CEP76: variants seen among roughly 807,000 people sequenced by gnomAD.
CEP76 encodes the protein centrosomal protein 76, also known as centrosomal protein of 76 kDa.
A neutral mutation model predicts 83.3 loss-of-function variants in CEP76; 55 were observed. The observed-to-expected ratio is 0.66, with a 90% CI of 0.53 to 0.83. The LOEUF is 0.83. Among genes scored for constraint, CEP76 ranks in the 40% least tolerant of loss-of-function variants. The pLI is 0.00. For synonymous variants in CEP76, 270 were observed against 274.5 expected, an observed-to-expected ratio of 0.98 and a Z score of 0.16; for missense variants, 694 against 799.5, an observed-to-expected ratio of 0.87 and a Z score of 1.59.
intron 6 of CEP76, 30 bp from the exon 7 acceptor site, chr18:12,691,517 T>C (rs1191366727): frequency 3.3e-6 from 5 of 1,533,756 alleles, no homozygotes; most frequent in Non-Finnish European, 4.4e-6. Context: ...TTTTTCAATT[T>C]CTATTCATTA....
chr18:12,692,712 C>T (rs1247665590), intron 6 of CEP76, among the ~76,000 whole-genome samples: 1 of 152,192 alleles, frequency 6.6e-6, no homozygotes, highest in Non-Finnish European at 1.5e-5. Flanking sequence ...ATCTAAACTC[C>T]TTGAGAGCAA....
intron 9 of CEP76, chr18:12,679,200 G>C (rs2145007490): frequency 6.6e-6 from 1 of 152,292 alleles, no homozygotes; most frequent in Non-Finnish European, 1.5e-5. Context: ...AAGAAGCTAA[G>C]GAAAGAGAAT....
At position 12,691,409 on chromosome 18, in the gene CEP76, A is replaced by G. The variant is rs2039758353; in HGVS notation, c.883T>C (p.Leu295=). 1.2e-6 allele frequency: 2 copies of G among 1,608,726 alleles called. No individual in the cohort carries two copies. Among genetic ancestry groups the G allele is most frequent in the South Asian group, 2.2e-5 (2 of 89,894 alleles). ...VYAKQWWREY[L]QIRPSHNSRL... is the part of the protein sequence containing the mutation. ...GAGTTGTGTGAGGGTCGAATTTGCA[A>G]ATATTCTCTCCACCACTGCTTAGCA... Residue 295 remains leucine (L), a synonymous_variant, in exon 7 of 12, where the codon TTG becomes CTG. Coordinates refer to ENST00000262127, the MANE Select transcript of CEP76 (RefSeq NM_024899.4).
chr18:12,671,408 C>T (rs1568006912), downstream of CEP76, among the ~76,000 whole-genome samples: 1 of 151,878 alleles, frequency 6.6e-6, no homozygotes. Flanking sequence ...AAATTAAGAA[C>T]TACACATATC....
chr18:12,702,643 G>T lies in CEP76; in HGVS notation c.-95C>A. The T allele has an allele frequency of 7.3e-7, 1 of 1,378,964 alleles. No homozygotes were observed. The highest frequency in any genetic ancestry group is 9.8e-7 in the Non-Finnish European group (1 of 1,024,924). 85.4% of individuals were successfully genotyped at this position (1,378,964 alleles called of 1,614,324 possible). A position where few individuals can be genotyped will look rare whatever the true frequency, so the allele number is the denominator to read the frequency against. On this transcript the variant is annotated 5_prime_UTR_variant, in exon 1 of 12. Transcript: ENST00000262127. ...CCAGGGAGCGTTAGGAGCGACTGGA[G>T]CACAAAGCGCCGCAGCCGTTCGCCT...
downstream of CEP76, among the ~76,000 whole-genome samples, chr18:12,672,118 C>CT (rs371021479): frequency 0.26 from 36,444 of 140,926 alleles, 4,898 homozygotes; most frequent in Non-Finnish European, 0.33. Context: ...ATGCCTGGCC[C>CT]TTTTTTTTTT....
intron 7 of CEP76, among the ~76,000 whole-genome samples, chr18:12,688,680 T>A (rs375625924): frequency 2.9e-4 from 44 of 152,358 alleles, no homozygotes; most frequent in African/African-American, 1.0e-3. Flanking sequence ...AGAAAATCAC[T>A]AACCATTATG....
chr18:12,695,254 C>G lies in CEP76; in HGVS notation c.804G>C (p.Gln268His). The G allele has an allele frequency of 7.2e-7, 1 of 1,394,366 alleles. No individual in the cohort carries two copies. The highest frequency in any genetic ancestry group is 1.0e-6 in the Non-Finnish European group (1 of 996,952). The allele number at this position is 1,394,366 out of a possible 1,614,324, so 86.4% of individuals were successfully genotyped here. ...QTLSQEVVNT[Q>H]LALERQKTAE... The stretch of plus-strand genomic sequence containing the variant: ...AAAAGAGAAACTCATAAGTATTTAC[C>G]TGTGTGTTCACTACTTCTTGAGATA... Residue 268 changes from glutamine (Q) to histidine (H), a missense_variant and splice_region_variant, in exon 6 of 12, where the codon CAG becomes CAC. By Grantham distance (24) the Gln-to-His change is conservative. Transcript: ENST00000262127.
intron 7 of CEP76, chr18:12,686,776 G>C: frequency 5.4e-6 from 1 of 184,402 alleles, no homozygotes; most frequent in Non-Finnish European, 1.1e-5. Flanking sequence ...GGAGGGAGAG[G>C]TGCTCTAAGC....
intron 5 of CEP76, among the ~76,000 whole-genome samples, chr18:12,695,980 A>G (rs1352246025): frequency 6.6e-6 from 1 of 152,104 alleles, no homozygotes; most frequent in East Asian, 1.9e-4. Context: ...TTTTCAATCC[A>G]TGCCTGGATT....
chr18:12,697,139 TA>T, intron 5 of CEP76, 83 bp downstream of exon 5: 1 of 1,033,512 alleles, frequency 9.7e-7, no homozygotes, highest in Non-Finnish European at 1.4e-6. Context: ...TCTTGGATTA[TA>T]AAAGCATTTT....
intron 6 of CEP76, chr18:12,692,197 T>C (rs1217381061): frequency 6.6e-6 from 1 of 151,652 alleles, no homozygotes; most frequent in Non-Finnish European, 1.5e-5. Flanking sequence ...ATGCCTGTAA[T>C]CCCAGCTACT....
chr18:12,701,260 C>T lies in CEP76; in HGVS notation c.64-147G>A, dbSNP rs958566578. 1.1e-5 allele frequency: 7 copies of T among 609,364 alleles called. No homozygotes were observed. In the African/African-American group the frequency reaches 1.3e-4, roughly 11 times the overall value. 37.7% of individuals were successfully genotyped at this position (609,364 alleles called of 1,614,324 possible). ...AAAGGTAAGCTTTTAAAGAATGAAT[C>T]TTTTGAGTACAAATTCTAGAAATAG... is the stretch of plus-strand genomic sequence containing the variant. On this transcript the variant is annotated intron_variant, in intron 1 of 11. Transcript: ENST00000262127.
intron 4 of CEP76, among the ~76,000 whole-genome samples, chr18:12,698,128 T>C (rs1318551168): frequency 2.0e-5 from 3 of 151,630 alleles, no homozygotes; most frequent in Non-Finnish European, 2.9e-5. Context: ...ATGACAGTTA[T>C]ATGTTCACAT....
At chr18:12,667,881 G>C (rs1181709147), downstream of CEP76, among the ~76,000 whole-genome samples, 3 of 83,762 alleles carry the variant, frequency 3.6e-5, no homozygotes, top group Admixed American at 1.5e-4. Flanking sequence ...AATAGAACAA[G>C]AAAGCAGTAA....
chr18:12,683,950 T>C (rs1282311162), intron 8 of CEP76, among the ~76,000 whole-genome samples: 1 of 151,076 alleles, frequency 6.6e-6, no homozygotes, highest in Non-Finnish European at 1.5e-5. Context: ...TCACCATTAC[T>C]GTTGTAATGC....
intron 7 of CEP76, chr18:12,686,771 G>C: frequency 5.3e-6 from 1 of 189,794 alleles, no homozygotes; most frequent in Non-Finnish European, 1.1e-5. Flanking sequence ...GTAGGGGAGG[G>C]AGAGGTGCTC....
intron 12 of CEP76, among the ~76,000 whole-genome samples, chr18:12,664,170 GAA>G (rs1020884864): frequency 7.9e-6 from 1 of 127,190 alleles, no homozygotes; most frequent in Non-Finnish European, 1.8e-5. Context: ...CATCTCAAAA[GAA>G]AAAAGAGTCC....
At chr18:12,681,405 C>T (rs2039345485) in intron 8 of CEP76, among the ~76,000 whole-genome samples, 1 of 151,740 alleles carries the variant, frequency 6.6e-6, no homozygotes, top group South Asian at 2.1e-4. Flanking sequence ...CACCATGACA[C>T]CTAGCTAATT....
Sources: allele counts gnomAD v4.1 joint callset (sites outside exome capture counted in the v4.1 genomes callset), GRCh38; gene constraint gnomAD v4.1.1; transcripts MANE v1.5; gene names NCBI Gene and HGNC (gene_info 2026-07-23, HGNC 2026-07-21).